Variants in CCDC148 observed in about 807,000 individuals in gnomAD.
The protein encoded by CCDC148 is coiled-coil domain containing 148.
Under a neutral mutation model 85.7 loss-of-function variants are expected in CCDC148, and 89 were observed. The observed-to-expected ratio is 1.04, with a 90% confidence interval of 0.87 to 1.24. The LOEUF (loss-of-function observed/expected upper bound fraction) is 1.24, where lower values mean the gene tolerates loss of function less well. CCDC148 is among the 50% of genes most tolerant of loss of function. The pLI is 0.00. For missense variants in CCDC148, 692 were observed against 671.7 expected (o/e 1.03, Z -0.33); for synonymous variants, 230 against 213.9 (o/e 1.08, Z -0.66).
intron 7 of CCDC148, among the ~76,000 whole-genome samples, chr2:158,321,001 A>C (rs967628836): frequency 6.6e-6 from 1 of 152,172 alleles, no homozygotes; most frequent in Non-Finnish European, 1.5e-5. Flanking sequence ...AATAAATATA[A>C]CTAAGCAAAG....
At chr2:158,243,501 C>T (rs1688437886) in intron 10 of CCDC148, among the ~76,000 whole-genome samples, 1 of 152,096 alleles carries the variant, frequency 6.6e-6, no homozygotes, top group African/African-American at 2.4e-5. Flanking sequence ...AAAGCTATAC[C>T]ACAATCTTTT....
intron 13 of CCDC148, among the ~76,000 whole-genome samples, chr2:158,174,850 C>T (rs1684496341): frequency 6.6e-6 from 1 of 152,024 alleles, no homozygotes; most frequent in Admixed American, 6.6e-5. Flanking sequence ...CAATTATAAT[C>T]TTAAGGGACC....
intron 10 of CCDC148, among the ~76,000 whole-genome samples, chr2:158,228,606 C>T (rs549740228): frequency 6.6e-6 from 1 of 152,126 alleles, no homozygotes; most frequent in Non-Finnish European, 1.5e-5. Flanking sequence ...GGCACATATA[C>T]ACCATGGAAT....
intron 7 of CCDC148, among the ~76,000 whole-genome samples, chr2:158,337,066 G>C (rs919747696): frequency 1.3e-5 from 2 of 152,126 alleles, no homozygotes; most frequent in African/African-American, 4.8e-5. Context: ...AACTGTTTCT[G>C]AGTCACACAG....
At chr2:158,224,859 G>A (rs569168886) in intron 10 of CCDC148, among the ~76,000 whole-genome samples, 1 of 152,208 alleles carries the variant, frequency 6.6e-6, no homozygotes, top group South Asian at 2.1e-4. Flanking sequence ...ATGCCAAATT[G>A]TAAAGACCAT....
intron 7 of CCDC148, among the ~76,000 whole-genome samples, chr2:158,315,011 T>C (rs2105215523): frequency 6.6e-6 from 1 of 152,308 alleles, no homozygotes; most frequent in East Asian, 1.9e-4. Context: ...AGAAAAATTC[T>C]TTTTCAAAGA....
intron 11 of CCDC148, 110 bp from the exon 12 acceptor site, chr2:158,179,106 A>T (rs1222764602): frequency 1.7e-5 from 8 of 465,074 alleles, no homozygotes; most frequent in South Asian, 4.1e-5. Context: ...GCACTGTCAC[A>T]TTTTTTTTTT....
At chr2:158,243,441 G>A (rs1243748813) in intron 10 of CCDC148, among the ~76,000 whole-genome samples, 1 of 152,068 alleles carries the variant, frequency 6.6e-6, no homozygotes, top group Non-Finnish European at 1.5e-5. Flanking sequence ...ATTTTCCCAA[G>A]AACCCAGCAG....
intron 13 of CCDC148, among the ~76,000 whole-genome samples, chr2:158,173,995 TA>T (rs1558955573): frequency 6.6e-6 from 1 of 152,084 alleles, no homozygotes; most frequent in East Asian, 1.9e-4. Context: ...CAGTTTCTTG[TA>T]AATATGTACT....
intron 1 of CCDC148, among the ~76,000 whole-genome samples, chr2:158,428,406 C>A (rs1036223766): frequency 6.6e-6 from 1 of 151,946 alleles, no homozygotes; most frequent in East Asian, 1.9e-4. Flanking sequence ...AGGAATAATT[C>A]GTTGAAATAT....
At chr2:158,367,875 T>C (rs1013298533) in intron 1 of CCDC148, among the ~76,000 whole-genome samples, 7 of 152,178 alleles carry the variant, frequency 4.6e-5, no homozygotes, top group Non-Finnish European at 7.3e-5. Flanking sequence ...TTGTAATGTT[T>C]CTTATGTGAG....
At chr2:158,213,102 G>A (rs1413986749) in intron 11 of CCDC148, among the ~76,000 whole-genome samples, 7 of 152,290 alleles carry the variant, frequency 4.6e-5, no homozygotes, top group Non-Finnish European at 8.8e-5. Flanking sequence ...TGGGCATCAG[G>A]ACTTTCAAAG....
intron 11 of CCDC148, among the ~76,000 whole-genome samples, chr2:158,207,262 A>G (rs184403070): frequency 6.6e-6 from 1 of 152,340 alleles, no homozygotes; most frequent in East Asian, 1.9e-4. Flanking sequence ...CAGATAGCCA[A>G]TTGAAGACTC....
At chr2:158,175,914 C>T (rs1269450111) in intron 13 of CCDC148, among the ~76,000 whole-genome samples, 1 of 152,050 alleles carries the variant, frequency 6.6e-6, no homozygotes, top group African/African-American at 2.4e-5. Context: ...TCCTACCTTC[C>T]ATCCCTCAAT....
At chr2:158,322,438 T>C (rs1394936907) in intron 7 of CCDC148, among the ~76,000 whole-genome samples, 1 of 152,068 alleles carries the variant, frequency 6.6e-6, no homozygotes, top group South Asian at 2.1e-4. Flanking sequence ...GAAAAATCAG[T>C]AGATATGTGT....
At chr2:158,340,703 A>G in intron 3 of CCDC148, 23 bp from the exon 4 acceptor site, 2 of 1,331,372 alleles carry the variant, frequency 1.5e-6, no homozygotes. Flanking sequence ...TGATCTCAAT[A>G]AATGTTACAA....
intron 1 of CCDC148, 146 bp downstream of exon 1, chr2:158,456,269 G>A: frequency 1.2e-6 from 1 of 800,904 alleles, no homozygotes; most frequent in Non-Finnish European, 2.2e-6. Context: ...TTTCAGAAGA[G>A]TTATGAGTTT....
At chr2:158,219,100 G>T (rs1011136999) in intron 11 of CCDC148, among the ~76,000 whole-genome samples, 1 of 152,116 alleles carries the variant, frequency 6.6e-6, no homozygotes, top group Non-Finnish European at 1.5e-5. Flanking sequence ...AGTCTGAGGG[G>T]CAATTTTCAA....
intron 9 of CCDC148, among the ~76,000 whole-genome samples, chr2:158,307,929 T>C (rs942409786): frequency 2.0e-5 from 3 of 152,206 alleles, no homozygotes; most frequent in African/African-American, 4.8e-5. Flanking sequence ...AGAAACATTC[T>C]AGGTTTTGAT....
Sources: allele counts gnomAD v4.1 joint callset (sites outside exome capture counted in the v4.1 genomes callset), GRCh38; gene constraint gnomAD v4.1.1; transcripts MANE v1.5; gene names NCBI Gene and HGNC (gene_info 2026-07-23, HGNC 2026-07-21).